Variants in DBN1 observed in about 807,000 individuals in gnomAD.
DBN1 encodes drebrin.
In DBN1, 21 loss-of-function variants were observed where a neutral mutation model predicts 83.5. That is an observed-to-expected ratio of 0.25 (90% CI 0.18 to 0.36). The LOEUF (loss-of-function observed/expected upper bound fraction) is 0.36, where lower values mean the gene tolerates loss of function less well. Ranked by LOEUF, DBN1 falls within the 10% of genes least tolerant of loss-of-function variation. DBN1 has a pLI of 1.00. For missense variants in DBN1, 874 were observed against 935.7 expected, an observed-to-expected ratio of 0.93 and a Z score of 0.86; for synonymous variants, 381 against 384.9, an observed-to-expected ratio of 0.99 and a Z score of 0.12.
chr5:177,473,413 G>A (rs1757993492), intron 1 of DBN1, 23 bp downstream of exon 1: 2 of 1,332,688 alleles, frequency 1.5e-6, no homozygotes, highest in African/African-American at 1.5e-5. Context: ...CAAAGGGGCC[G>A]GGGGCGGGGG....
chr5:177,471,744 C>T (rs1370265285), intron 1 of DBN1, among the ~76,000 whole-genome samples: 2 of 152,166 alleles, frequency 1.3e-5, no homozygotes, highest in African/African-American at 2.4e-5. Context: ...TGGGGGCTGA[C>T]GCACACCAGT....
intron 9 of DBN1, 39 bp downstream of exon 9, chr5:177,460,604 GC>G: frequency 6.2e-7 from 1 of 1,614,150 alleles, no homozygotes; most frequent in Non-Finnish European, 8.5e-7. Flanking sequence ...AGCTGAGATA[GC>G]CCTGTCTGCC....
At position 177,473,536 on chromosome 5, in the gene DBN1, C is replaced by T. The variant is rs754730465; in HGVS notation, c.-15G>A. 5.4e-5 allele frequency: 73 copies of T among 1,345,406 alleles called. 2 individuals are homozygous for T. In the Middle Eastern group the frequency reaches 1.7e-3, roughly 30 times the overall value. 83.3% of individuals were successfully genotyped at this position (1,345,406 alleles called of 1,614,324 possible). A position where few individuals can be genotyped will look rare whatever the true frequency, so the allele number is the denominator to read the frequency against. The stretch of plus-strand genomic sequence containing the variant: ...ACGCCGGCCATGCTTCGGGCCGGAC[C>T]GGGCCGAACGGACAGACGCGCGGAC... On this transcript the variant is annotated 5_prime_UTR_variant, in exon 1 of 15. Coordinates refer to ENST00000393565, the MANE Select transcript of DBN1 (RefSeq NM_001363541.2).
chr5:177,461,595 G>A (rs1757048273), intron 8 of DBN1, among the ~76,000 whole-genome samples: 1 of 152,100 alleles, frequency 6.6e-6, no homozygotes, highest in South Asian at 2.1e-4. Context: ...TATCTAAGCA[G>A]GTGCCTAGGG....
chr5:177,464,981 C>T (rs981764783), intron 8 of DBN1, among the ~76,000 whole-genome samples: 32 of 152,096 alleles, frequency 2.1e-4, no homozygotes, highest in Non-Finnish European at 3.8e-4. Flanking sequence ...GGTGAAACCC[C>T]GTCTCTACTA....
chr5:177,472,941 C>T, intron 1 of DBN1: 1 of 600,346 alleles, frequency 1.7e-6, no homozygotes, highest in Non-Finnish European at 2.1e-6. Flanking sequence ...CGCTCCGCTC[C>T]TCCCCCGCCC....
chr5:177,460,205 A>G (rs941588327), intron 10 of DBN1, among the ~76,000 whole-genome samples: 7 of 152,202 alleles, frequency 4.6e-5, no homozygotes, highest in Non-Finnish European at 1.0e-4. Context: ...GCTGCCCCAC[A>G]GGCCCTAGCA....
rs763425619 is a variant in DBN1 at position 177,467,597 on chromosome 5, C to G, written c.361G>C (p.Val121Leu). The change falls in exon 5 of 15, where the codon GTG becomes CTG. Residue 121 changes from valine to leucine, a missense_variant. Around this residue, in one of 4 missense-constraint regions of DBN1, gnomAD observed 65 missense variants for 97.3 expected, o/e 0.67. Transcript: ENST00000393565. The surrounding 1 kb of genome is among the most constrained non-coding windows in gnomAD (Gnocchi z 9.1). ...GVDVIVNASS[V>L]EDIDAGAIGQ... is the part of the protein sequence containing the mutation. ...ATGGCACCCGCGTCTATGTCTTCCA[C>G]GCTGCTGGCGTTCACGATCACGTCG... 3 of 1,570,540 alleles carry G rather than the reference C, an allele frequency of 1.9e-6. No homozygotes were observed. The highest frequency in any genetic ancestry group is 2.6e-6 in the Non-Finnish European group (3 of 1,157,800).
chr5:177,465,216 G>T (rs537170055), intron 8 of DBN1, among the ~76,000 whole-genome samples: 14 of 152,174 alleles, frequency 9.2e-5, no homozygotes, highest in African/African-American at 3.4e-4. Flanking sequence ...ATAAAATGTG[G>T]TATATCCATA....
chr5:177,471,487 G>A (rs968826829), intron 1 of DBN1, among the ~76,000 whole-genome samples: 10 of 151,980 alleles, frequency 6.6e-5, no homozygotes, highest in Admixed American at 1.3e-4. Flanking sequence ...GGTAAGGGTC[G>A]GGGGGCAGAC....
intron 1 of DBN1, chr5:177,472,062 G>A: frequency 6.4e-7 from 1 of 1,570,840 alleles, no homozygotes; most frequent in Non-Finnish European, 8.6e-7. Flanking sequence ...GGCAGGGCTG[G>A]GACAATGGGT....
In DBN1 at chr5:177,467,184, T is replaced by G. The variant is rs1757506494; in HGVS notation, c.555+71A>C. The G allele has an allele frequency of 3.7e-6, 6 of 1,607,082 alleles. No homozygotes were observed. The highest frequency in any genetic ancestry group is 5.1e-6 in the Non-Finnish European group (6 of 1,174,078). The stretch of plus-strand genomic sequence containing the variant: ...CGTGGCATGGGCCATGCCACTGCAG[T>G]GAGGGACTCAGACCTGCCCCATGGG... On this transcript the variant is annotated intron_variant, in intron 6 of 14. Transcript: ENST00000393565. The surrounding 1 kb of genome is among the most constrained non-coding windows in gnomAD (Gnocchi z 9.1).
chr5:177,470,635 C>G (rs1757776222), intron 1 of DBN1, among the ~76,000 whole-genome samples: 1 of 152,228 alleles, frequency 6.6e-6, no homozygotes, highest in Non-Finnish European at 1.5e-5. Context: ...AAGCCTCTGC[C>G]TATGTAGTTC....
chr5:177,468,874 A>C lies in DBN1; in HGVS notation c.112T>G (p.Ser38Ala). 7.6e-7 allele frequency: 1 copy of C among 1,320,550 alleles called. No homozygotes were observed. Among genetic ancestry groups the C allele is most frequent in the Non-Finnish European group, 9.7e-7 (1 of 1,026,020 alleles). The allele number at this position is 1,320,550 out of a possible 1,614,324, so 81.8% of individuals were successfully genotyped here. A position where few individuals can be genotyped will look rare whatever the true frequency, so the allele number is the denominator to read the frequency against. Reference sequence around the variant, plus strand: ...GATGCTGCAAGCTTGAGGTCATCGGAGCCATCTTCATATGTGTACAGAGCC... The same window carrying C: ...GATGCTGCAAGCTTGAGGTCATCGGCGCCATCTTCATATGTGTACAGAGCC... Reference protein sequence around the residue: ...DWALYTYEDGSDDLKLAASGE... With the variant: ...DWALYTYEDGADDLKLAASGE... Residue 38 changes from serine to alanine, a missense_variant, in exon 2 of 15, where the codon TCC (serine) becomes GCC (alanine). Ser to Ala is a moderately conservative substitution (Grantham distance 99, BLOSUM62 1). This residue lies in a region of DBN1 where 82 missense variants were observed against 101.7 expected (regional missense o/e 0.81). Transcript: ENST00000393565.
At chr5:177,465,031 G>A (rs1757344228) in intron 8 of DBN1, among the ~76,000 whole-genome samples, 1 of 152,204 alleles carries the variant, frequency 6.6e-6, no homozygotes, top group South Asian at 2.1e-4. Context: ...GCGGGCACCT[G>A]TAGTCCCAGC....
chr5:177,468,925 A>T, intron 1 of DBN1, 26 bp from the exon 2 acceptor site: 1 of 1,310,284 alleles, frequency 7.6e-7, no homozygotes, highest in East Asian at 2.8e-5. Flanking sequence ...GGTGGCTGTC[A>T]AACTGTCAGG....
chr5:177,458,697 C>T lies in DBN1; in HGVS notation c.1275G>A (p.Glu425=). ...PPPPPAQETQ[E]PSPILDSEET... is the part of the protein sequence containing the mutation. ...CCTCACTGTCTAGGATGGGGCTGGG[C>T]TCCTGGGTCTCTGTCACAGCACAGG... The change falls in exon 13 of 15, where the codon GAG becomes GAA. Residue 425 remains glutamate, a synonymous_variant. Coordinates refer to ENST00000393565, the MANE Select transcript of DBN1 (RefSeq NM_001363541.2). 6.6e-7 allele frequency: 1 copy of T among 1,521,150 alleles called. No homozygotes were observed. Among genetic ancestry groups the T allele is most frequent in the Non-Finnish European group, 8.8e-7 (1 of 1,141,164 alleles). 94.2% of individuals were successfully genotyped at this position (1,521,150 alleles called of 1,614,324 possible).
chr5:177,459,077 C>T, intron 12 of DBN1, 21 bp downstream of exon 12: 1 of 1,585,214 alleles, frequency 6.3e-7, no homozygotes. Flanking sequence ...AGGCCTGGTG[C>T]AGGTAGCATC....
intron 8 of DBN1, among the ~76,000 whole-genome samples, chr5:177,465,726 G>A (rs758949597): frequency 6.6e-6 from 1 of 151,926 alleles, no homozygotes; most frequent in Non-Finnish European, 1.5e-5. Context: ...ATGATGGTGT[G>A]CGCCTGTAAT....
Sources: allele counts gnomAD v4.1 joint callset (sites outside exome capture counted in the v4.1 genomes callset), GRCh38; gene constraint gnomAD v4.1.1; regional missense constraint gnomAD v4.1.1; non-coding constraint Gnocchi (gnomAD v3.1); transcripts MANE v1.5; gene names NCBI Gene and HGNC (gene_info 2026-07-23, HGNC 2026-07-21).